UST: variants seen among roughly 807,000 people sequenced by gnomAD.
UST encodes the protein uronyl 2-sulfotransferase, also known as chondroitin sulfate 2-O-sulfotransferase.
UST carries 21 observed loss-of-function variants against 45.6 expected under a neutral mutation model. That is an observed-to-expected ratio of 0.46 (90% CI 0.33 to 0.66). The LOEUF (loss-of-function observed/expected upper bound fraction) is 0.66, where lower values mean the gene tolerates loss of function less well. UST is among the 30% of genes least tolerant of loss of function. The probability of loss-of-function intolerance (pLI) is 0.02; values close to 1 mark genes in which losing one functional copy is unlikely to be tolerated. For synonymous variants in UST, 215 were observed against 200.6 expected, an observed-to-expected ratio of 1.07 and a Z score of -0.61; for missense variants, 463 against 512.4, an observed-to-expected ratio of 0.90 and a Z score of 0.93.
chr6:148,819,427 A>C (rs1189983823), intron 1 of UST, among the ~76,000 whole-genome samples: 1 of 152,226 alleles, frequency 6.6e-6, no homozygotes. Context: ...TTACATTTGC[A>C]AAAGTAATCA....
chr6:148,951,988 T>G (rs916393232), intron 3 of UST, among the ~76,000 whole-genome samples: 1 of 152,248 alleles, frequency 6.6e-6, no homozygotes, highest in East Asian at 1.9e-4. Context: ...GTGGAATATG[T>G]GAAAGAAACG....
At chr6:149,056,720 G>GCA (rs1776571400) in intron 7 of UST, among the ~76,000 whole-genome samples, 1 of 152,150 alleles carries the variant, frequency 6.6e-6, no homozygotes, top group East Asian at 1.9e-4. Flanking sequence ...ACTACCAGTG[G>GCA]GCTACAGGTT....
intron 3 of UST, among the ~76,000 whole-genome samples, chr6:148,950,263 G>T (rs965261085): frequency 6.6e-6 from 1 of 152,164 alleles, no homozygotes; most frequent in Admixed American, 6.5e-5. Flanking sequence ...AACAAGTCTC[G>T]GGTGATGCTG....
chr6:149,042,955 T>TTTTCTTTCTTTC (rs1158496318), intron 7 of UST, among the ~76,000 whole-genome samples: 110 of 109,148 alleles, frequency 1.0e-3, no homozygotes, highest in East Asian at 4.2e-3. Context: ...ATCACCATCC[T>TTTTCTTTCTTTC]TTTCTTTCTT....
At chr6:148,872,934 T>C (rs1778586514) in intron 1 of UST, among the ~76,000 whole-genome samples, 1 of 152,196 alleles carries the variant, frequency 6.6e-6, no homozygotes, top group African/African-American at 2.4e-5. Flanking sequence ...CTGCCTGCAT[T>C]CTTTGACTCG....
intron 7 of UST, among the ~76,000 whole-genome samples, chr6:149,049,966 C>CACAT (rs1562339795): frequency 1.4e-5 from 2 of 142,966 alleles, no homozygotes; most frequent in Admixed American, 6.9e-5. Context: ...CACACACACA[C>CACAT]GTGGCCCTTT....
At chr6:148,969,706 T>C (rs895472648) in intron 5 of UST, among the ~76,000 whole-genome samples, 4 of 152,208 alleles carry the variant, frequency 2.6e-5, no homozygotes, top group Non-Finnish European at 5.9e-5. Flanking sequence ...AGGGAGTCCA[T>C]AGAGGCTGCT....
At chr6:148,776,410 C>A (rs541773874) in intron 1 of UST, among the ~76,000 whole-genome samples, 1 of 152,336 alleles carries the variant, frequency 6.6e-6, no homozygotes, top group South Asian at 2.1e-4. Context: ...AATGACGCAA[C>A]TGAGCCTTTC....
chr6:148,748,570 G>C lies in UST; in HGVS notation c.247+893G>C, dbSNP rs1156744856. Among the ~76,000 whole-genome samples the C allele has an allele frequency of 2.0e-5, 3 of 152,108 alleles. No homozygotes were observed. The highest frequency in any genetic ancestry group is 7.2e-5 in the African/African-American group (3 of 41,424). On this transcript the variant is annotated intron_variant, in intron 1 of 7. Coordinates refer to ENST00000367463, the MANE Select transcript of UST (RefSeq NM_005715.3). This position sits in a 1 kb window ranked among gnomAD's most constrained non-coding sequence, Gnocchi z 5.3. ...CCGCAGCTCCCTCGTCTCGGCTGCG[G>C]GAGCCAGGGGTGCCAGGGACAGGCG...
chr6:149,052,195 TAA>T (rs552068210), intron 7 of UST, among the ~76,000 whole-genome samples: 1 of 152,380 alleles, frequency 6.6e-6, no homozygotes, highest in Non-Finnish European at 1.5e-5. Flanking sequence ...ATTAACACAT[TAA>T]GTTTCAACTA....
At chr6:149,072,418 C>T (rs2115047666) in intron 7 of UST, among the ~76,000 whole-genome samples, 1 of 152,244 alleles carries the variant, frequency 6.6e-6, no homozygotes, top group African/African-American at 2.4e-5. Flanking sequence ...CTTTGGGAGG[C>T]CGAGGCAGGT....
intron 1 of UST, among the ~76,000 whole-genome samples, chr6:148,812,375 G>A (rs1417164436): frequency 6.6e-6 from 1 of 152,168 alleles, no homozygotes; most frequent in Non-Finnish European, 1.5e-5. Flanking sequence ...TAACTTGATA[G>A]CACCACGTAT....
At chr6:149,016,040 T>TTGGAA (rs1775892556) in intron 5 of UST, among the ~76,000 whole-genome samples, 1 of 152,210 alleles carries the variant, frequency 6.6e-6, no homozygotes, top group African/African-American at 2.4e-5. Flanking sequence ...GGCAGCTCCA[T>TTGGAA]GCCTGGGGCT....
chr6:148,820,846 C>G (rs1420270292), intron 1 of UST, among the ~76,000 whole-genome samples: 4 of 140,912 alleles, frequency 2.8e-5, no homozygotes, highest in African/African-American at 1.1e-4. Flanking sequence ...GAGCGAGACT[C>G]CATCTCAAAA....
chr6:149,033,325 C>T (rs1776185077), intron 7 of UST, among the ~76,000 whole-genome samples: 1 of 152,226 alleles, frequency 6.6e-6, no homozygotes, highest in African/African-American at 2.4e-5. Context: ...TTTTGCATGA[C>T]TCAACATTTT....
intron 7 of UST, among the ~76,000 whole-genome samples, chr6:149,049,927 T>TCACACACACA (rs1393383569): frequency 1.5e-5 from 2 of 130,538 alleles, no homozygotes; most frequent in African/African-American, 6.3e-5. Context: ...TCTCTCTCTC[T>TCACACACACA]CTCTCACACA....
chr6:148,827,211 A>G (rs968307503), intron 1 of UST, among the ~76,000 whole-genome samples: 7 of 152,244 alleles, frequency 4.6e-5, no homozygotes, highest in Non-Finnish European at 8.8e-5. Flanking sequence ...TCCAATTATC[A>G]TCAGAATAGA....
chr6:148,960,291 A>G (rs1780625558), intron 4 of UST, among the ~76,000 whole-genome samples: 1 of 152,156 alleles, frequency 6.6e-6, no homozygotes, highest in Non-Finnish European at 1.5e-5. Flanking sequence ...CTCCGTCTCA[A>G]AAATAAACAG....
intron 1 of UST, among the ~76,000 whole-genome samples, chr6:148,865,627 C>T (rs764278189): frequency 2.3e-4 from 35 of 150,744 alleles, no homozygotes; most frequent in Non-Finnish European, 4.3e-4. Context: ...TCATTAGCAT[C>T]CAGGTCCGGC....
Sources: allele counts gnomAD v4.1 joint callset (sites outside exome capture counted in the v4.1 genomes callset), GRCh38; gene constraint gnomAD v4.1.1; non-coding constraint Gnocchi (gnomAD v3.1); transcripts MANE v1.5; gene names NCBI Gene and HGNC (gene_info 2026-07-23, HGNC 2026-07-21).